The following SEMA3A variants were observed in gnomAD, a reference collection of about 807,000 sequenced individuals.
SEMA3A encodes the protein semaphorin 3A.
In SEMA3A, 29 loss-of-function variants were observed where a neutral mutation model predicts 97.9. The ratio of observed to expected loss-of-function variants is 0.30; its 90% confidence interval spans 0.22 to 0.40. SEMA3A has a LOEUF of 0.40. Among genes scored for constraint, SEMA3A ranks in the 10% least tolerant of loss-of-function variants. SEMA3A has a pLI of 1.00. For synonymous variants in SEMA3A, 321 were observed against 323.7 expected (o/e 0.99, Z 0.09); for missense variants, 763 against 951.3 (o/e 0.80, Z 2.60).
chr7:83,974,463 A>G (rs1328149040), intron 15 of SEMA3A, among the ~76,000 whole-genome samples: 1 of 152,154 alleles, frequency 6.6e-6, no homozygotes. Flanking sequence ...ATCATCCTGA[A>G]GTGTGTAATT....
intron 2 of SEMA3A, among the ~76,000 whole-genome samples, chr7:84,329,338 G>A (rs999611601): frequency 1.3e-5 from 2 of 152,010 alleles, no homozygotes; most frequent in Admixed American, 6.6e-5. Context: ...CCCTTTGAAT[G>A]TGAGAACCTT....
intron 2 of SEMA3A, among the ~76,000 whole-genome samples, chr7:84,340,826 C>T (rs537867317): frequency 3.9e-4 from 59 of 149,796 alleles, no homozygotes; most frequent in Non-Finnish European, 7.5e-4. Flanking sequence ...ACATCAAATA[C>T]ATCAAAGTAT....
intron 1 of SEMA3A, among the ~76,000 whole-genome samples, chr7:84,159,784 T>C (rs1357072601): frequency 4.6e-5 from 7 of 152,178 alleles, no homozygotes; most frequent in Non-Finnish European, 1.0e-4. Context: ...ATTTGAGGAC[T>C]GGAAAGATCC....
Position 83,972,229 on chromosome 7 carries a change from A to T in SEMA3A, c.1717+4903T>A, listed in dbSNP as rs373834246. Among the ~76,000 whole-genome samples the T allele has an allele frequency of 6.6e-4, 100 of 151,980 alleles. No homozygotes were observed. In the Middle Eastern group the frequency reaches 0.017, roughly 26 times the overall value. Reference sequence around the variant, plus strand: ...TGATTAATTTGAAATATGATAATAAAATTTGCTGTGTGGCTTCAAAGTTAA... The same window carrying T: ...TGATTAATTTGAAATATGATAATAATATTTGCTGTGTGGCTTCAAAGTTAA... On this transcript the variant is annotated intron_variant, in intron 15 of 16. Transcript: ENST00000265362.
intron 1 of SEMA3A, among the ~76,000 whole-genome samples, chr7:84,452,051 T>C (rs2116366931): frequency 6.6e-6 from 1 of 152,304 alleles, no homozygotes. Flanking sequence ...TTTAAAATTA[T>C]ATTCCTCTCT....
chr7:84,036,501 G>A (rs1791944268), intron 6 of SEMA3A, among the ~76,000 whole-genome samples: 1 of 152,116 alleles, frequency 6.6e-6, no homozygotes, highest in Non-Finnish European at 1.5e-5. Context: ...GTAGGGAAAT[G>A]AGAAGAGAAT....
intron 1 of SEMA3A, among the ~76,000 whole-genome samples, chr7:84,421,842 C>A (rs1470251416): frequency 6.6e-6 from 1 of 151,970 alleles, no homozygotes; most frequent in African/African-American, 2.4e-5. Context: ...TATGTTGAAC[C>A]AGCCTTGCAT....
chr7:84,376,088 C>T (rs867146830), intron 1 of SEMA3A, among the ~76,000 whole-genome samples: 37 of 152,268 alleles, frequency 2.4e-4, no homozygotes, highest in African/African-American at 8.9e-4. Context: ...TTTTTATTCA[C>T]TCATCCACTG....
chr7:84,384,281 C>T (rs960072933), intron 1 of SEMA3A, among the ~76,000 whole-genome samples: 2 of 151,912 alleles, frequency 1.3e-5, no homozygotes, highest in Non-Finnish European at 2.9e-5. Context: ...TTACAGTGTC[C>T]TAAACATAGA....
chr7:84,372,132 A>G (rs1319382529), intron 1 of SEMA3A: 1 of 151,882 alleles, frequency 6.6e-6, no homozygotes, highest in Non-Finnish European at 1.5e-5. Context: ...CTTCTTCCCA[A>G]ATTGGATTCT....
At chr7:84,052,981 A>T (rs1260807584) in intron 5 of SEMA3A, among the ~76,000 whole-genome samples, 1 of 150,792 alleles carries the variant, frequency 6.6e-6, no homozygotes, top group Non-Finnish European at 1.5e-5. Flanking sequence ...CCCAGTAGTC[A>T]TTCAGGAGCA....
chr7:84,408,264 T>C (rs978964344), intron 1 of SEMA3A, among the ~76,000 whole-genome samples: 1 of 152,324 alleles, frequency 6.6e-6, no homozygotes, highest in South Asian at 2.1e-4. Context: ...AAAGAAGACA[T>C]TTATGCAGCC....
At chr7:84,232,165 T>G (rs916196174) in intron 3 of SEMA3A, among the ~76,000 whole-genome samples, 1 of 150,720 alleles carries the variant, frequency 6.6e-6, no homozygotes, top group Non-Finnish European at 1.5e-5. Flanking sequence ...AAAATTCTCT[T>G]TAAGTTATAA....
At chr7:83,986,650 AG>A (rs1789644513) in intron 12 of SEMA3A, among the ~76,000 whole-genome samples, 1 of 152,170 alleles carries the variant, frequency 6.6e-6, no homozygotes, top group Non-Finnish European at 1.5e-5. Flanking sequence ...GATAAGAAAG[AG>A]GCTTAGGTGG....
chr7:84,130,403 C>G (rs1402084425), intron 2 of SEMA3A, among the ~76,000 whole-genome samples: 1 of 152,162 alleles, frequency 6.6e-6, no homozygotes, highest in South Asian at 2.1e-4. Context: ...CATTTCAGGT[C>G]CATGTCAAAA....
intron 12 of SEMA3A, among the ~76,000 whole-genome samples, chr7:83,992,298 T>C (rs1356616839): frequency 6.8e-6 from 1 of 147,030 alleles, no homozygotes; most frequent in Middle Eastern, 3.2e-3. Flanking sequence ...TTTTGAAGGG[T>C]TTTTTGTGTC....
chr7:84,006,452 C>A (rs17220062), intron 10 of SEMA3A, among the ~76,000 whole-genome samples: 1 of 151,586 alleles, frequency 6.6e-6, no homozygotes, highest in African/African-American at 2.4e-5. Context: ...GAATGCCCAT[C>A]ATGACCAAGC....
intron 1 of SEMA3A, among the ~76,000 whole-genome samples, chr7:84,481,690 C>T (rs1184731072): frequency 6.6e-6 from 1 of 151,858 alleles, no homozygotes; most frequent in Non-Finnish European, 1.5e-5. Flanking sequence ...TATATTGCAC[C>T]ATCTTCATTT....
chr7:84,371,371 T>C (rs1438603972), intron 2 of SEMA3A, among the ~76,000 whole-genome samples: 2 of 151,840 alleles, frequency 1.3e-5, no homozygotes, highest in African/African-American at 2.4e-5. Flanking sequence ...ACATTTAGAA[T>C]TGGCAATTAT....
Sources: allele counts gnomAD v4.1 joint callset (sites outside exome capture counted in the v4.1 genomes callset), GRCh38; gene constraint gnomAD v4.1.1; transcripts MANE v1.5; gene names NCBI Gene and HGNC (gene_info 2026-07-23, HGNC 2026-07-21).